Variants in PRUNE2 observed in about 807,000 individuals in gnomAD.
PRUNE2 encodes the protein protein prune homolog 2.
A neutral mutation model predicts 252.0 loss-of-function variants in PRUNE2; 164 were observed. The observed-to-expected ratio is 0.65, with a 90% CI of 0.57 to 0.74. The LOEUF (loss-of-function observed/expected upper bound fraction) is 0.74, where lower values mean the gene tolerates loss of function less well. Ranked by LOEUF, PRUNE2 falls within the 30% of genes least tolerant of loss-of-function variation. The pLI, the probability that PRUNE2 is intolerant of heterozygous loss-of-function variation, is 0.00. For synonymous variants in PRUNE2, 1,292 were observed against 1,350.2 expected, an observed-to-expected ratio of 0.96 and a Z score of 0.94; for missense variants, 3,495 against 3,711.0, an observed-to-expected ratio of 0.94 and a Z score of 1.51.
intron 6 of PRUNE2, among the ~76,000 whole-genome samples, chr9:76,761,167 T>A (rs1260708570): frequency 6.6e-6 from 1 of 152,098 alleles, no homozygotes; most frequent in Non-Finnish European, 1.5e-5. Context: ...TGAATCTTTA[T>A]GCTGAAAAAT....
At chr9:76,615,344 G>A (rs1828939664) in intron 18 of PRUNE2, 1 of 563,958 alleles carries the variant, frequency 1.8e-6, no homozygotes, top group Non-Finnish European at 2.2e-6. Context: ...GATTTGGCAC[G>A]TATCTGTGGA....
chr9:76,755,579 G>A (rs1205003791), intron 6 of PRUNE2, among the ~76,000 whole-genome samples: 1 of 152,144 alleles, frequency 6.6e-6, no homozygotes, highest in Non-Finnish European at 1.5e-5. Flanking sequence ...AGGAGTCAGG[G>A]AAGGCATTCA....
chr9:76,702,328 G>C (rs10869799), intron 9 of PRUNE2, among the ~76,000 whole-genome samples: 117,093 of 152,016 alleles, frequency 0.77, 45,437 homozygotes, highest in East Asian at 0.94. Flanking sequence ...AAGGTGTTGG[G>C]ATTACAGGTA....
chr9:76,613,450 A>T lies in PRUNE2; in HGVS notation c.*1120T>A, dbSNP rs574241292. On this transcript the variant is annotated 3_prime_UTR_variant, in exon 19 of 19. Transcript: ENST00000376718. ...CTTTATTTATCGGCACTAACATTTG[A>T]ATAATTTTCATGTGTCATGAAATAT... 6.6e-6 allele frequency: 1 copy of T among 152,358 alleles called. No individual in the cohort carries two copies. The highest frequency in any genetic ancestry group is 1.5e-5 in the Non-Finnish European group (1 of 68,038). 9.4% of individuals were successfully genotyped at this position (152,358 alleles called of 1,614,324 possible). A position where few individuals can be genotyped will look rare whatever the true frequency, so the allele number is the denominator to read the frequency against.
At chr9:76,720,633 A>T (rs973406898) in intron 6 of PRUNE2, among the ~76,000 whole-genome samples, 1 of 142,680 alleles carries the variant, frequency 7.0e-6, no homozygotes, top group African/African-American at 2.6e-5. Flanking sequence ...TATTCTCAGG[A>T]TTTATGGGAT....
intron 9 of PRUNE2, among the ~76,000 whole-genome samples, chr9:76,688,784 C>T (rs941735747): frequency 6.6e-6 from 1 of 152,218 alleles, no homozygotes; most frequent in African/African-American, 2.4e-5. Flanking sequence ...CTTGTTGCAG[C>T]CTCAGGGCCT....
At chr9:76,699,985 A>G (rs2045739673) in intron 9 of PRUNE2, among the ~76,000 whole-genome samples, 1 of 152,214 alleles carries the variant, frequency 6.6e-6, no homozygotes, top group Non-Finnish European at 1.5e-5. Context: ...GGACAGGTCT[A>G]TAGCTGGAGG....
Position 76,779,100 on chromosome 9 carries a change from G to A in PRUNE2, c.756+44532C>T, listed in dbSNP as rs147330603. Among the ~76,000 whole-genome samples, 44 of 152,250 alleles carry A rather than the reference G, an allele frequency of 2.9e-4. No individual in the cohort carries two copies. In the East Asian group the frequency reaches 7.7e-3, roughly 27 times the overall value. ...TGTGATTAAATAAAGAACTTGAGAA[G>A]AACAGGTTTCATTAAACATAAAATC... On this transcript the variant is annotated intron_variant, in intron 6 of 18. Coordinates refer to ENST00000376718, the MANE Select transcript of PRUNE2 (RefSeq NM_015225.3).
Position 76,768,032 on chromosome 9 carries a change from A to G in PRUNE2, c.757-54311T>C, listed in dbSNP as rs2052612688. On this transcript the variant is annotated intron_variant, in intron 6 of 18. Coordinates refer to ENST00000376718, the MANE Select transcript of PRUNE2 (RefSeq NM_015225.3). ...ACTGCCCTCCAGCTATACGTGCATC[A>G]CAGCGGCAGGTCAGAGGGAGTCCTG... is the stretch of plus-strand genomic sequence containing the variant. Among the ~76,000 whole-genome samples the G allele has an allele frequency of 2.0e-5, 3 of 152,154 alleles. No individual in the cohort carries two copies. The South Asian group carries it at 6.2e-4, about 32-fold the overall frequency.
chr9:76,863,929 T>C lies in PRUNE2; in HGVS notation c.37-9721A>G, dbSNP rs1048919118. ...AACAGAACTACCATTCAACCAACAA[T>C]CCCATTACTAGATATACACCCAAAA... On this transcript the variant is annotated intron_variant, in intron 1 of 18. Coordinates refer to ENST00000376718, the MANE Select transcript of PRUNE2 (RefSeq NM_015225.3). Among the ~76,000 whole-genome samples the C allele has an allele frequency of 5.9e-5, 9 of 152,300 alleles. No homozygotes were observed. The East Asian group carries it at 1.7e-3, about 29-fold the overall frequency.
intron 9 of PRUNE2, among the ~76,000 whole-genome samples, chr9:76,669,196 T>C (rs1249954141): frequency 6.6e-6 from 1 of 151,928 alleles, no homozygotes; most frequent in Admixed American, 6.6e-5. Flanking sequence ...GTCCATGGGG[T>C]CACTGCACCC....
intron 6 of PRUNE2, among the ~76,000 whole-genome samples, chr9:76,772,297 T>C (rs766834962): frequency 7.9e-5 from 12 of 152,208 alleles, no homozygotes; most frequent in Non-Finnish European, 1.2e-4. Flanking sequence ...AGGGATGGAC[T>C]CTTCAATAGT....
intron 1 of PRUNE2, among the ~76,000 whole-genome samples, chr9:76,870,708 C>T (rs2061146803): frequency 6.7e-6 from 1 of 148,568 alleles, no homozygotes; most frequent in Non-Finnish European, 1.5e-5. Flanking sequence ...AAAAAATCCT[C>T]AATGGGTTGG....
intron 2 of PRUNE2, among the ~76,000 whole-genome samples, chr9:76,852,424 G>A (rs2060010196): frequency 6.6e-6 from 1 of 152,214 alleles, no homozygotes; most frequent in South Asian, 2.1e-4. Flanking sequence ...CAAGAACTAG[G>A]TTCCAGCCCC....
At position 76,839,505 on chromosome 9, in the gene PRUNE2, T is replaced by C. The variant is rs181434039; in HGVS notation, c.508+7010A>G. ...TATTTGAAAAGCTGAAAGGCTCTTG[T>C]GTCTGCAACACAGTGGGAAAAGGGG... On this transcript the variant is annotated intron_variant, in intron 4 of 18. Transcript: ENST00000376718. 2.2e-4 allele frequency among the ~76,000 whole-genome samples: 34 copies of C among 152,314 alleles called. No individual in the cohort carries two copies. The East Asian group carries it at 6.4e-3, about 29-fold the overall frequency.
chr9:76,653,034 T>C (rs1848005398), intron 10 of PRUNE2, among the ~76,000 whole-genome samples: 1 of 152,082 alleles, frequency 6.6e-6, no homozygotes, highest in African/African-American at 2.4e-5. Flanking sequence ...CTGATAGAAA[T>C]CTTTGTATGA....
intron 1 of PRUNE2, among the ~76,000 whole-genome samples, chr9:76,896,433 G>A (rs1316877075): frequency 6.6e-6 from 1 of 152,106 alleles, no homozygotes; most frequent in Non-Finnish European, 1.5e-5. Context: ...CTAGTTTTGG[G>A]GTAACTTTGG....
At chr9:76,637,306 G>T in intron 14 of PRUNE2, 112 bp downstream of exon 14, 1 of 1,027,212 alleles carries the variant, frequency 9.7e-7, no homozygotes, top group Non-Finnish European at 1.4e-6. Context: ...TGATCTTATT[G>T]AGACTTGGTT....
Position 76,655,506 on chromosome 9 carries a change from C to CA in PRUNE2, c.8277-5dup, listed in dbSNP as rs760709913. Reference sequence around the variant, plus strand: ...TCCTACATCCTCTGACAGTAGTCTGCAAAAAAAGCAAAGCAAAGCGCGTCA... The same window carrying CA: ...TCCTACATCCTCTGACAGTAGTCTGCAAAAAAAAGCAAAGCAAAGCGCGTCA... On this transcript the variant is annotated splice_polypyrimidine_tract_variant and splice_region_variant and intron_variant, in intron 9 of 18. Transcript: ENST00000376718. 8.1e-6 allele frequency: 13 copies of CA among 1,609,618 alleles called. No homozygotes were observed. The highest frequency in any genetic ancestry group is 3.3e-4 in the Middle Eastern group (2 of 6,058).
Sources: allele counts gnomAD v4.1 joint callset (sites outside exome capture counted in the v4.1 genomes callset), GRCh38; gene constraint gnomAD v4.1.1; transcripts MANE v1.5; gene names NCBI Gene and HGNC (gene_info 2026-07-23, HGNC 2026-07-21).